The following RPL18A variants were observed in gnomAD, a reference collection of about 807,000 sequenced individuals.
RPL18A encodes the protein large ribosomal subunit protein eL20.
For synonymous variants in RPL18A, 122 were observed against 96.9 expected, an observed-to-expected ratio of 1.26 and a Z score of -1.52; for missense variants, 163 against 254.1, an observed-to-expected ratio of 0.64 and a Z score of 2.44.
intron 1 of RPL18A, 132 bp from the exon 2 acceptor site, chr19:17,861,161 C>T (rs1209562975): frequency 1.4e-6 from 1 of 712,602 alleles, no homozygotes; most frequent in African/African-American, 1.8e-5. Context: ...CAAGAATCCA[C>T]ATGGAGGCCC....
chr19:17,861,323 C>T lies in RPL18A; in HGVS notation c.49C>T (p.Leu17=). 6.2e-7 allele frequency: 1 copy of T among 1,613,814 alleles called. No individual in the cohort carries two copies. The highest frequency in any genetic ancestry group is 1.1e-5 in the South Asian group (1 of 91,068). ...AGAGTACAAGGTAGTGGGTCGCTGC[C>T]TGCCCACCCCCAAATGCCACACGCC... ...LREYKVVGRC[L]PTPKCHTPPL... Residue 17 remains leucine (L), a synonymous_variant, in exon 2 of 5, where the codon CTG becomes TTG. Transcript: ENST00000222247.
At chr19:17,861,614 G>A in intron 2 of RPL18A, 142 bp downstream of exon 2, 2 of 683,196 alleles carry the variant, frequency 2.9e-6, no homozygotes, top group Non-Finnish European at 4.9e-6. Flanking sequence ...TCAGAGCCCC[G>A]GGTTGTGTTT....
rs2094276662 is a variant in RPL18A, at chr19:17,861,213, A to T, written c.19-80A>T. 3 of 1,332,190 alleles carry T rather than the reference A, an allele frequency of 2.3e-6. No individual in the cohort carries two copies. The East Asian group carries it at 7.3e-5, about 32-fold the overall frequency. The allele number at this position is 1,332,190 out of a possible 1,614,324, so 82.5% of individuals were successfully genotyped here. A position where few individuals can be genotyped will look rare whatever the true frequency, so the allele number is the denominator to read the frequency against. ...CCTGCTTCCCGAATCTGTGGTCACTAGATGTAGGAAAGGGAGTGAGGTGGA... is the reference window on the plus strand; with the variant it reads ...CCTGCTTCCCGAATCTGTGGTCACTTGATGTAGGAAAGGGAGTGAGGTGGA... On this transcript the variant is annotated intron_variant, in intron 1 of 4. Coordinates refer to ENST00000222247, the MANE Select transcript of RPL18A (RefSeq NM_000980.4).
intron 1 of RPL18A, chr19:17,860,939 G>C: frequency 3.5e-6 from 1 of 287,002 alleles, no homozygotes; most frequent in Non-Finnish European, 6.7e-6. Flanking sequence ...GTTTTGAGGT[G>C]CAGAGTGGCT....
Position 17,862,566 on chromosome 19 carries a change from G to T in RPL18A, c.328+343G>T, listed in dbSNP as rs1319961955. ...TTCCCTGGCTCACCTGCCAGGGTCT[G>T]TGAGACCCCCACACCTCCCTGATTG... On this transcript the variant is annotated intron_variant, in intron 3 of 4. Transcript: ENST00000222247. 4.3e-6 allele frequency: 3 copies of T among 702,198 alleles called. No homozygotes were observed. In the Admixed American group the frequency reaches 5.3e-5, roughly 12 times the overall value. 43.5% of individuals were successfully genotyped at this position (702,198 alleles called of 1,614,324 possible). A position where few individuals can be genotyped will look rare whatever the true frequency, so the allele number is the denominator to read the frequency against.
intron 1 of RPL18A, chr19:17,861,028 G>A (rs2094276337): frequency 5.9e-6 from 3 of 506,116 alleles, no homozygotes; most frequent in Non-Finnish European, 1.1e-5. Flanking sequence ...AGCTTTCCTG[G>A]TCTGAAACCC....
chr19:17,863,113 C>G (rs2094280661), intron 4 of RPL18A, 58 bp from the exon 5 acceptor site: 1 of 1,557,282 alleles, frequency 6.4e-7, no homozygotes, highest in East Asian at 2.3e-5. Context: ...TTGGTGGCCC[C>G]ACAGGATGGG....
intron 2 of RPL18A, chr19:17,861,799 T>A: frequency 1.9e-6 from 1 of 538,296 alleles, no homozygotes; most frequent in South Asian, 2.4e-5. Context: ...GGGTGGTAGC[T>A]AGGTTGGCCC....
rs145890349 is a variant in RPL18A, at chr19:17,861,897, C to T, written c.199-197C>T. On this transcript the variant is annotated intron_variant, in intron 2 of 4. Coordinates refer to ENST00000222247, the MANE Select transcript of RPL18A (RefSeq NM_000980.4). ...AGAAGCCTGGACTTCAGGCTGTTGC[C>T]ATGGGAAGTTCCCTTACCTCACGCT... is the stretch of plus-strand genomic sequence containing the variant. 275 of 621,730 alleles carry T rather than the reference C, an allele frequency of 4.4e-4. 1 individual carries two copies. In the Middle Eastern group the frequency reaches 5.3e-3, roughly 12 times the overall value. The allele number at this position is 621,730 out of a possible 1,614,324, so 38.5% of individuals were successfully genotyped here. A position where few individuals can be genotyped will look rare whatever the true frequency, so the allele number is the denominator to read the frequency against.
At chr19:17,861,042 G>A in intron 1 of RPL18A, 1 of 532,914 alleles carries the variant, frequency 1.9e-6, no homozygotes, top group South Asian at 2.4e-5. Context: ...GAAACCCTTA[G>A]CCCAGGCAAA....
chr19:17,861,215 A>G (rs1599895032), intron 1 of RPL18A, 78 bp from the exon 2 acceptor site: 4 of 1,357,516 alleles, frequency 2.9e-6, no homozygotes, highest in East Asian at 2.4e-5. Context: ...TGGTCACTAG[A>G]TGTAGGAAAG....
rs528677027 is a variant in RPL18A at position 17,861,919 on chromosome 19, C to T, written c.199-175C>T. ...TGCCATGGGAAGTTCCCTTACCTCA[C>T]GCTCCCTGAGGATGCCTGAAGGTAG... On this transcript the variant is annotated intron_variant, in intron 2 of 4. Coordinates refer to ENST00000222247, the MANE Select transcript of RPL18A (RefSeq NM_000980.4). 64 of 702,920 alleles carry T rather than the reference C, an allele frequency of 9.1e-5. 2 individuals are homozygous for T. The South Asian group carries it at 1.1e-3, about 12-fold the overall frequency. 43.5% of individuals were successfully genotyped at this position (702,920 alleles called of 1,614,324 possible).
intron 1 of RPL18A, 35 bp downstream of exon 1, chr19:17,860,009 A>T: frequency 6.7e-7 from 1 of 1,503,036 alleles, no homozygotes; most frequent in East Asian, 2.8e-5. Context: ...GGGCCAAGGG[A>T]TGGGGCACGG....
At chr19:17,860,671 G>T (rs1323834480) in intron 1 of RPL18A, 1 of 152,666 alleles carries the variant, frequency 6.6e-6, no homozygotes, top group South Asian at 2.0e-4. Flanking sequence ...TTCAGAGGTG[G>T]TTTCTTTGTG....
At chr19:17,860,218 G>C in intron 1 of RPL18A, 3 of 504,072 alleles carry the variant, frequency 6.0e-6, no homozygotes, top group Non-Finnish European at 1.0e-5. Context: ...TCTTCTTCCC[G>C]GGGGAAGGAA....
intron 3 of RPL18A, chr19:17,862,432 C>A: frequency 1.5e-6 from 1 of 681,190 alleles, no homozygotes; most frequent in South Asian, 1.7e-5. Context: ...CTGGAAACTC[C>A]CTTTTTGGGT....
intron 2 of RPL18A, 106 bp downstream of exon 2, chr19:17,861,578 C>A (rs979778253): frequency 9.4e-6 from 8 of 853,758 alleles, no homozygotes; most frequent in Non-Finnish European, 1.4e-5. Context: ...GGTAGCTCAA[C>A]GCCTGTAATC....
At position 17,861,285 on chromosome 19, in the gene RPL18A, C is replaced by T; in HGVS notation, c.19-8C>T. ...GCTGGCCTTACCCTCACTCCTGTTT[C>T]CTTTCAGCTACGAGAGTACAAGGTA... is the stretch of plus-strand genomic sequence containing the variant. On this transcript the variant is annotated splice_region_variant and splice_polypyrimidine_tract_variant and intron_variant, in intron 1 of 4. Coordinates refer to ENST00000222247, the MANE Select transcript of RPL18A (RefSeq NM_000980.4). 2 of 1,613,716 alleles carry T rather than the reference C, an allele frequency of 1.2e-6. No homozygotes were observed. The highest frequency in any genetic ancestry group is 1.7e-6 in the Non-Finnish European group (2 of 1,179,762).
At chr19:17,863,120 T>TG (rs775732478) in intron 4 of RPL18A, 51 bp from the exon 5 acceptor site, 2 of 1,557,138 alleles carry the variant, frequency 1.3e-6, no homozygotes, top group South Asian at 2.2e-5. Context: ...CCCCACAGGA[T>TG]GGGGTGTTAA....
Sources: allele counts gnomAD v4.1 joint callset, GRCh38; gene constraint gnomAD v4.1.1; transcripts MANE v1.5; gene names NCBI Gene and HGNC (gene_info 2026-07-23, HGNC 2026-07-21).